The following MCF2L variants were observed in gnomAD, a reference collection of about 807,000 sequenced individuals.
MCF2L encodes the protein guanine nucleotide exchange factor DBS.
A neutral mutation model predicts 153.4 loss-of-function variants in MCF2L; 97 were observed. The observed-to-expected ratio is 0.63, with a 90% CI of 0.54 to 0.75. The LOEUF (loss-of-function observed/expected upper bound fraction) is 0.75, where lower values mean the gene tolerates loss of function less well. MCF2L is among the 30% of genes least tolerant of loss of function. The pLI is 0.00. For missense variants in MCF2L, 1,347 were observed against 1,495.2 expected (o/e 0.90, Z 1.64); for synonymous variants, 659 against 632.2 (o/e 1.04, Z -0.64).
Position 113,089,630 on chromosome 13 carries a change from G to C in MCF2L, c.2855G>C (p.Arg952Thr). ...TSTSPSRGNS[R>T]NIKKLEERKT... ...ATCAGTCCCTCAAGAGGAAACTCAA[G>C]GAACATCAAGAAGCTGGAAGAAAGG... The change falls in exon 26 of 30, where the codon AGG (arginine) becomes ACG (threonine). Residue 952 changes from arginine to threonine, a missense_variant. Arg to Thr is a moderately conservative substitution (Grantham distance 71). This residue lies in a region of MCF2L where 383 missense variants were observed against 335.4 expected (regional missense o/e 1.14). Coordinates refer to ENST00000535094, the MANE Select transcript of MCF2L (RefSeq NM_001112732.3). The C allele has an allele frequency of 6.2e-7, 1 of 1,613,242 alleles. No homozygotes were observed. Among genetic ancestry groups the C allele is most frequent in the South Asian group, 1.1e-5 (1 of 91,062 alleles).
chr13:112,972,946 C>T (rs2082101599), intron 1 of MCF2L, among the ~76,000 whole-genome samples: 1 of 150,594 alleles, frequency 6.6e-6, no homozygotes, highest in Non-Finnish European at 1.5e-5. Context: ...AGGGACACAG[C>T]AGCACGGAGG....
In MCF2L at chr13:113,064,430, G is replaced by T. The variant is rs760609614; in HGVS notation, c.606+10G>T. ...GCTGTGCCAGCGCACGGTGAGCCGC[G>T]TCGGGGCCAGCGGGGCTGGCTGATA... is the stretch of plus-strand genomic sequence containing the variant. On this transcript the variant is annotated intron_variant, in intron 6 of 29. Coordinates refer to ENST00000535094, the MANE Select transcript of MCF2L (RefSeq NM_001112732.3). The surrounding 1 kb of genome is among the most constrained non-coding windows in gnomAD (Gnocchi z 6.0). 2 of 1,587,184 alleles carry T rather than the reference G, an allele frequency of 1.3e-6. No homozygotes were observed. The highest frequency in any genetic ancestry group is 2.2e-5 in the East Asian group (1 of 44,762).
At chr13:113,093,437 C>T (rs2035386332) in intron 26 of MCF2L, among the ~76,000 whole-genome samples, 1 of 152,264 alleles carries the variant, frequency 6.6e-6, no homozygotes. Flanking sequence ...CTTCTCTGCA[C>T]AGACAGCAGA....
intron 2 of MCF2L, among the ~76,000 whole-genome samples, chr13:112,946,254 A>G (rs984954174): frequency 2.0e-5 from 3 of 151,800 alleles, no homozygotes; most frequent in African/African-American, 7.3e-5. Flanking sequence ...AGAAATACAT[A>G]TGACTAAAGA....
At chr13:113,060,085 C>T (rs1169838072) in intron 4 of MCF2L, among the ~76,000 whole-genome samples, 2 of 152,140 alleles carry the variant, frequency 1.3e-5, no homozygotes, top group Non-Finnish European at 2.9e-5. Flanking sequence ...GAGGCCTCTC[C>T]TCAGCTTCTG....
chr13:112,931,317 C>G (rs1042987125), intron 2 of MCF2L, among the ~76,000 whole-genome samples: 1 of 152,204 alleles, frequency 6.6e-6, no homozygotes, highest in Non-Finnish European at 1.5e-5. Context: ...ACACAAACGC[C>G]CCAGGCTCCA....
chr13:113,059,849 G>T (rs1241685447), intron 4 of MCF2L, among the ~76,000 whole-genome samples: 2 of 152,178 alleles, frequency 1.3e-5, no homozygotes, highest in Non-Finnish European at 2.9e-5. Context: ...TGCACACCAG[G>T]GCACAAGATT....
At position 113,041,244 on chromosome 13, in the gene MCF2L, A is replaced by AG. The variant is rs113590279; in HGVS notation, c.279-4026dup. 4.1e-3 allele frequency among the ~76,000 whole-genome samples: 620 copies of AG among 152,282 alleles called. 6 individuals are homozygous for AG. The highest frequency in any genetic ancestry group is 0.014 in the African/African-American group (595 of 41,566). On this transcript the variant is annotated intron_variant, in intron 3 of 29. Coordinates refer to ENST00000535094, the MANE Select transcript of MCF2L (RefSeq NM_001112732.3). ...GGACTGCTTCCTGCTGAAACTGGGCAGAAGCCACACCACCCTCTCCCTCAG... is the reference window on the plus strand; with the variant it reads ...GGACTGCTTCCTGCTGAAACTGGGCAGGAAGCCACACCACCCTCTCCCTCAG...
intron 1 of MCF2L, among the ~76,000 whole-genome samples, chr13:112,895,673 A>AG (rs1028988915): frequency 4.6e-5 from 7 of 152,096 alleles, no homozygotes; most frequent in African/African-American, 1.7e-4. Flanking sequence ...CCTCAGTCCC[A>AG]GGGGGGCAGT....
chr13:112,949,357 G>A (rs1594371149), intron 2 of MCF2L, among the ~76,000 whole-genome samples: 1 of 152,078 alleles, frequency 6.6e-6, no homozygotes, highest in African/African-American at 2.4e-5. Flanking sequence ...AAAAATAGAG[G>A]AGGAGGCAAT....
At chr13:112,997,831 C>T (rs138129520) in intron 1 of MCF2L, among the ~76,000 whole-genome samples, 2,883 of 152,364 alleles carry the variant, frequency 0.019, 91 homozygotes, top group African/African-American at 0.066. Context: ...AGCGTGGTGA[C>T]GCTCATTGTT....
intron 3 of MCF2L, among the ~76,000 whole-genome samples, chr13:113,039,053 G>T (rs746519536): frequency 6.6e-6 from 1 of 152,134 alleles, no homozygotes; most frequent in Non-Finnish European, 1.5e-5. Flanking sequence ...TAGAGACGGG[G>T]TTTCACCGTG....
At chr13:113,075,916 C>G in intron 11 of MCF2L, 50 bp from the exon 12 acceptor site, 1 of 1,422,172 alleles carries the variant, frequency 7.0e-7, no homozygotes, top group South Asian at 1.3e-5. Context: ...CAGGGTGACG[C>G]TCTCACCCTC....
rs2085857862 is a variant in MCF2L, at chr13:113,033,189, A to ACCCCGTGATGTGAGTGGC, written c.278+8439_278+8440insTGTGAGTGGCCCCCGTGA. Among the ~76,000 whole-genome samples, 14 of 8,796 alleles carry ACCCCGTGATGTGAGTGGC rather than the reference A, an allele frequency of 1.6e-3. 1 individual carries two copies. Among genetic ancestry groups the ACCCCGTGATGTGAGTGGC allele is most frequent in the East Asian group, 4.1e-3 (1 of 246 alleles). The allele number at this position is 8,796 out of a possible 152,430, so 5.8% of individuals were successfully genotyped here. On this transcript the variant is annotated intron_variant, in intron 3 of 29. Coordinates refer to ENST00000535094, the MANE Select transcript of MCF2L (RefSeq NM_001112732.3). ...TGAGTGGCCCCCATGACGTGAGTGG[A>ACCCCGTGATGTGAGTGGC]CCCCGTGACGTGAGTGGCCCCCGTG... is the stretch of plus-strand genomic sequence containing the variant.
rs147346793 is a variant in MCF2L at position 113,077,135 on chromosome 13, G to A, written c.1584G>A (p.Ala528=). The A allele has an allele frequency of 1.0e-4, 161 of 1,612,448 alleles. No individual in the cohort carries two copies. The highest frequency in any genetic ancestry group is 1.2e-4 in the Non-Finnish European group (147 of 1,179,768). ...HRRQASLKKL[A]ARQTRPVQPV... is the part of the protein sequence containing the mutation. ...GGCAGGCCAGCCTGAAGAAGCTGGC[G>A]GCCAGGCAGACGCGGCCCGTGCAGC... The change falls in exon 13 of 30, where the codon GCG becomes GCA. Residue 528 remains alanine (A), a synonymous_variant. Transcript: ENST00000535094.
chr13:113,075,839 G>A (rs373731060), intron 11 of MCF2L, 127 bp from the exon 12 acceptor site: 41 of 693,508 alleles, frequency 5.9e-5, no homozygotes, highest in African/African-American at 5.3e-4. Flanking sequence ...TGGACAGGGT[G>A]GCGGGAGCAC....
intron 9 of MCF2L, among the ~76,000 whole-genome samples, chr13:113,073,769 G>C (rs2033150292): frequency 1.3e-5 from 2 of 152,098 alleles, no homozygotes; most frequent in Admixed American, 1.3e-4. Flanking sequence ...GCAAAAATTA[G>C]CTGGGCGTGA....
rs2035835935 is a variant in MCF2L at position 113,099,450 on chromosome 13, C to A, written c.*2591C>A. 6.6e-6 allele frequency: 1 copy of A among 152,170 alleles called. No individual in the cohort carries two copies. The highest frequency in any genetic ancestry group is 1.5e-5 in the Non-Finnish European group (1 of 68,046). 9.4% of individuals were successfully genotyped at this position (152,170 alleles called of 1,614,324 possible). A position where few individuals can be genotyped will look rare whatever the true frequency, so the allele number is the denominator to read the frequency against. ...TAGAACTGGACAGCGTGCACAGAGC[C>A]ACGGGAGGGAGCAGCCACGGCCAGC... On this transcript the variant is annotated 3_prime_UTR_variant, in exon 30 of 30. Transcript: ENST00000535094.
chr13:112,910,396 T>C (rs1388527529), intron 2 of MCF2L: 1 of 152,252 alleles, frequency 6.6e-6, no homozygotes, highest in African/African-American at 2.4e-5. Context: ...ACAGCCGTTA[T>C]TTATAATTAT....
Sources: gnomAD v4.1 joint callset for allele counts (sites outside exome capture counted in the v4.1 genomes callset) on GRCh38, gnomAD v4.1.1 for gene constraint, gnomAD v4.1.1 regional missense constraint, Gnocchi (gnomAD v3.1) non-coding constraint, MANE v1.5 for transcripts, NCBI Gene and HGNC (gene_info 2026-07-23, HGNC 2026-07-21) for gene names.